TENM4: variants seen among roughly 807,000 people sequenced by gnomAD.
The protein encoded by TENM4 is teneurin-4.
Under a neutral mutation model 243.3 loss-of-function variants are expected in TENM4, and 82 were observed. The ratio of observed to expected loss-of-function variants is 0.34; its 90% CI spans 0.28 to 0.40. The LOEUF (loss-of-function observed/expected upper bound fraction) is 0.40, where lower values mean the gene tolerates loss of function less well. Ranked by LOEUF, TENM4 falls within the 10% of genes least tolerant of loss-of-function variation. TENM4 has a pLI of 1.00. For missense variants in TENM4, 3,138 were observed against 3,673.3 expected (o/e 0.85, Z 3.77); for synonymous variants, 1,412 against 1,456.3 (o/e 0.97, Z 0.69).
chr11:78,871,327 G>C (rs889511830), intron 9 of TENM4, among the ~76,000 whole-genome samples: 1 of 150,962 alleles, frequency 6.6e-6, no homozygotes, highest in Admixed American at 6.7e-5. Context: ...TTACTGACAT[G>C]AACTACCAGA....
At chr11:79,333,756 A>G (rs1202845674) in intron 1 of TENM4, among the ~76,000 whole-genome samples, 2 of 152,240 alleles carry the variant, frequency 1.3e-5, no homozygotes, top group Non-Finnish European at 2.9e-5. Flanking sequence ...AGATTTTATC[A>G]ACATCTTACA....
intron 2 of TENM4, among the ~76,000 whole-genome samples, chr11:79,270,384 T>A (rs1432079142): frequency 1.3e-5 from 2 of 152,242 alleles, no homozygotes; most frequent in Non-Finnish European, 2.9e-5. Context: ...TTGTATGGCA[T>A]GTGAATTATA....
chr11:79,169,042 C>T (rs761663668), intron 3 of TENM4, among the ~76,000 whole-genome samples: 4 of 152,190 alleles, frequency 2.6e-5, no homozygotes, highest in Non-Finnish European at 5.9e-5. Context: ...CCCCTTTCAC[C>T]CAGGACCTTT....
chr11:78,943,117 T>C (rs1367503183), intron 6 of TENM4, among the ~76,000 whole-genome samples: 2 of 152,224 alleles, frequency 1.3e-5, no homozygotes, highest in Non-Finnish European at 2.9e-5. Flanking sequence ...TTCAACTCGA[T>C]ATCCTTAATG....
chr11:78,782,544 C>T (rs1856859036), intron 16 of TENM4, among the ~76,000 whole-genome samples: 3 of 152,254 alleles, frequency 2.0e-5, no homozygotes, highest in African/African-American at 7.2e-5. Flanking sequence ...TTGCGGTCAG[C>T]CGAGGTCGTG....
At chr11:79,393,897 G>C (rs377642040) in intron 1 of TENM4, among the ~76,000 whole-genome samples, 6 of 152,174 alleles carry the variant, frequency 3.9e-5, no homozygotes, top group East Asian at 3.9e-4. Context: ...GGCAGTGGGG[G>C]GTTGGAGGAT....
chr11:79,333,461 C>T (rs1209358323), intron 1 of TENM4, among the ~76,000 whole-genome samples: 2 of 152,222 alleles, frequency 1.3e-5, no homozygotes, highest in Non-Finnish European at 2.9e-5. Flanking sequence ...CATGTGTCAA[C>T]ATCCCTATTA....
intron 12 of TENM4, among the ~76,000 whole-genome samples, chr11:78,820,365 G>A (rs1361035267): frequency 6.6e-6 from 1 of 152,208 alleles, no homozygotes; most frequent in African/African-American, 2.4e-5. Context: ...CCTATATGCA[G>A]CCAAAGTTTG....
intron 2 of TENM4, among the ~76,000 whole-genome samples, chr11:79,295,121 G>C (rs1466719732): frequency 6.6e-6 from 1 of 152,186 alleles, no homozygotes; most frequent in East Asian, 1.9e-4. Context: ...AACTGAGACG[G>C]TGCCCAGAGA....
chr11:78,895,887 G>A (rs1486644685), intron 7 of TENM4, among the ~76,000 whole-genome samples: 1 of 152,222 alleles, frequency 6.6e-6, no homozygotes, highest in African/African-American at 2.4e-5. Flanking sequence ...AGGTTCCTGA[G>A]TACTTGGAGA....
intron 15 of TENM4, among the ~76,000 whole-genome samples, chr11:78,802,931 C>T (rs1361600540): frequency 1.3e-5 from 2 of 152,212 alleles, no homozygotes; most frequent in East Asian, 3.9e-4. Context: ...AATCAAATGT[C>T]TTTGTTAATA....
At chr11:78,907,777 T>C (rs897158929) in intron 6 of TENM4, among the ~76,000 whole-genome samples, 3 of 152,198 alleles carry the variant, frequency 2.0e-5, no homozygotes, top group Non-Finnish European at 4.4e-5. Context: ...GCACAAGCAG[T>C]TGCTTCTCTC....
chr11:78,705,704 TGAAC>T (rs1859230938), intron 27 of TENM4, among the ~76,000 whole-genome samples: 1 of 152,172 alleles, frequency 6.6e-6, no homozygotes, highest in Admixed American at 6.5e-5. Context: ...GTCAAATGAA[TGAAC>T]GAAGGAAGGA....
chr11:78,904,372 A>T (rs886439577), intron 6 of TENM4, among the ~76,000 whole-genome samples: 2 of 151,188 alleles, frequency 1.3e-5, no homozygotes, highest in Non-Finnish European at 2.9e-5. Context: ...AAAAAAAAAA[A>T]AAAGTAAAAC....
At chr11:79,417,016 A>G (rs745469678) in intron 1 of TENM4, among the ~76,000 whole-genome samples, 56 of 152,226 alleles carry the variant, frequency 3.7e-4, no homozygotes, top group Non-Finnish European at 5.9e-4. Flanking sequence ...GGTCCTGATC[A>G]ATATCTCAAT....
intron 6 of TENM4, among the ~76,000 whole-genome samples, chr11:78,908,158 C>T (rs1010282083): frequency 1.2e-4 from 19 of 152,134 alleles, no homozygotes; most frequent in African/African-American, 3.4e-4. Flanking sequence ...TGGGCAGAGC[C>T]GTATGTAAGA....
At chr11:78,698,265 C>T (rs959763351) in intron 28 of TENM4, among the ~76,000 whole-genome samples, 1 of 151,940 alleles carries the variant, frequency 6.6e-6, no homozygotes, top group African/African-American at 2.4e-5. Flanking sequence ...AGCCGGGCGT[C>T]GTGGCAGATG....
At chr11:79,286,273 G>A (rs1431173180) in intron 2 of TENM4, among the ~76,000 whole-genome samples, 4 of 152,152 alleles carry the variant, frequency 2.6e-5, no homozygotes, top group Non-Finnish European at 4.4e-5. Context: ...GAGTCCAGGA[G>A]TCTAAGGCCA....
chr11:79,021,314 T>C (rs1303348998), intron 6 of TENM4, among the ~76,000 whole-genome samples: 1 of 152,166 alleles, frequency 6.6e-6, no homozygotes, highest in African/African-American at 2.4e-5. Context: ...TTTCAGTGGT[T>C]CCTCTTCTAT....
Sources: gnomAD v4.1 joint callset for allele counts (sites outside exome capture counted in the v4.1 genomes callset) on GRCh38, gnomAD v4.1.1 for gene constraint, MANE v1.5 for transcripts, NCBI Gene and HGNC (gene_info 2026-07-23, HGNC 2026-07-21) for gene names.